UBA3: variants seen among roughly 807,000 people sequenced by gnomAD.
UBA3 encodes ubiquitin like modifier activating enzyme 3, also known as NEDD8-activating enzyme E1 catalytic subunit.
UBA3 carries 26 observed loss-of-function variants against 73.5 expected under a neutral mutation model. The observed-to-expected ratio is 0.35, with a 90% confidence interval of 0.26 to 0.49. The LOEUF (loss-of-function observed/expected upper bound fraction) is 0.49. Ranked by LOEUF, UBA3 falls within the 20% of genes least tolerant of loss-of-function variation. The pLI is 0.98. For missense variants in UBA3, 495 were observed against 555.6 expected (o/e 0.89, Z 1.10); for synonymous variants, 217 against 191.2 (o/e 1.13, Z -1.11).
chr3:69,071,724 C>A (rs2092123741), intron 4 of UBA3, 107 bp from the exon 5 acceptor site: 1 of 663,442 alleles, frequency 1.5e-6, no homozygotes, highest in East Asian at 3.3e-5. Flanking sequence ...GTAATAAATT[C>A]TGTGTAATTT....
At chr3:69,061,665 C>T in intron 11 of UBA3, 149 bp downstream of exon 11, 1 of 500,694 alleles carries the variant, frequency 2.0e-6, no homozygotes. Context: ...TAAATTCCCC[C>T]TAGCTAATAA....
In UBA3 at chr3:69,056,648, A is replaced by G; in HGVS notation, c.1047T>C (p.Asp349=). 6.2e-7 allele frequency: 1 copy of G among 1,613,344 alleles called. No individual in the cohort carries two copies. Among genetic ancestry groups the G allele is most frequent in the African/African-American group, 1.3e-5 (1 of 75,040 alleles). The change falls in exon 14 of 18, where the codon GAT becomes GAC. Residue 349 remains aspartate, a synonymous_variant. Transcript: ENST00000361055. ...CTTCAAATGTGTATGTATACAGCCC[A>G]TCTACATCATTAAACACCAAGTAAT... The part of the protein sequence containing the change: ...LNNYLVFNDV[D]GLYTYTFEAE...
In UBA3 at chr3:69,061,809, C is replaced by G; in HGVS notation, c.910+5G>C. 1 of 1,565,984 alleles carries G rather than the reference C, an allele frequency of 6.4e-7. No homozygotes were observed. The highest frequency in any genetic ancestry group is 1.7e-4 in the Middle Eastern group (1 of 5,864). On this transcript the variant is annotated splice_donor_5th_base_variant and intron_variant, in intron 11 of 17. Coordinates refer to ENST00000361055, the MANE Select transcript of UBA3 (RefSeq NM_003968.4). ...ATCATAATTCATGACAATTTGCTGA[C>G]TTACCTTGAGTGAGCCTATACGTAA... is the stretch of plus-strand genomic sequence containing the variant.
chr3:69,060,801 C>A (rs1367576433), intron 11 of UBA3, among the ~76,000 whole-genome samples: 1 of 152,168 alleles, frequency 6.6e-6, no homozygotes, highest in Non-Finnish European at 1.5e-5. Context: ...TAAGTTCACG[C>A]AAGAGCTGGT....
chr3:69,068,621 C>T (rs1326166695), intron 5 of UBA3, among the ~76,000 whole-genome samples: 1 of 151,332 alleles, frequency 6.6e-6, no homozygotes, highest in Non-Finnish European at 1.5e-5. Context: ...CTCACTCTGT[C>T]ACCCAGGCTG....
chr3:69,072,181 G>C (rs2092126599), intron 4 of UBA3, among the ~76,000 whole-genome samples: 1 of 152,156 alleles, frequency 6.6e-6, no homozygotes, highest in Non-Finnish European at 1.5e-5. Context: ...CAAAAAACCT[G>C]TTAGGTTTCC....
intron 6 of UBA3, among the ~76,000 whole-genome samples, chr3:69,066,870 G>A (rs76146668): frequency 6.6e-6 from 1 of 152,262 alleles, no homozygotes; most frequent in East Asian, 1.9e-4. Context: ...CATTGGAACT[G>A]TTTTGCACCT....
chr3:69,080,284 C>T (rs776953750), intron 1 of UBA3, 50 bp downstream of exon 1: 3 of 1,599,806 alleles, frequency 1.9e-6, no homozygotes, highest in Non-Finnish European at 2.6e-6. Flanking sequence ...CCGCCGCGCT[C>T]TCTCACAACC....
rs1014248032 is a variant in UBA3 at position 69,055,012 on chromosome 3, A to G, written c.*425T>C. The G allele has an allele frequency of 3.3e-5, 5 of 152,916 alleles. No individual in the cohort carries two copies. Among genetic ancestry groups the G allele is most frequent in the African/African-American group, 1.2e-4 (5 of 41,490 alleles). The allele number at this position is 152,916 out of a possible 1,614,324, so 9.5% of individuals were successfully genotyped here. On this transcript the variant is annotated 3_prime_UTR_variant, in exon 18 of 18. Transcript: ENST00000361055. ...TTATATCAAGAAATAGCCTATGTTCAATATACTCCAGATGTCAGATTGTAA... is the reference window on the plus strand; with the variant it reads ...TTATATCAAGAAATAGCCTATGTTCGATATACTCCAGATGTCAGATTGTAA...
At chr3:69,065,731 C>T (rs2092064831) in intron 6 of UBA3, among the ~76,000 whole-genome samples, 1 of 152,166 alleles carries the variant, frequency 6.6e-6, no homozygotes, top group African/African-American at 2.4e-5. Flanking sequence ...CCTGAACCAC[C>T]ACACCCAGCC....
At chr3:69,058,344 A>G (rs1481060449) in intron 11 of UBA3, among the ~76,000 whole-genome samples, 1 of 152,220 alleles carries the variant, frequency 6.6e-6, no homozygotes, top group Non-Finnish European at 1.5e-5. Flanking sequence ...AACTTCAAGA[A>G]AAAGTAGCCA....
In UBA3 at chr3:69,056,523, T is replaced by C; in HGVS notation, c.1083+89A>G. 4 of 1,168,540 alleles carry C rather than the reference T, an allele frequency of 3.4e-6. No homozygotes were observed. The South Asian group carries it at 4.3e-5, about 13-fold the overall frequency. The allele number at this position is 1,168,540 out of a possible 1,614,324, so 72.4% of individuals were successfully genotyped here. A position where few individuals can be genotyped will look rare whatever the true frequency, so the allele number is the denominator to read the frequency against. ...AAGTAGAGTTCTGGAAGTTAGAAAA[T>C]GTATGGGTGACTTTGTTCAAATTTC... On this transcript the variant is annotated intron_variant, in intron 14 of 17. Transcript: ENST00000361055.
In UBA3 at chr3:69,080,061, G is replaced by A. The variant is rs971345668; in HGVS notation, c.62+51C>T. 5 of 1,567,202 alleles carry A rather than the reference G, an allele frequency of 3.2e-6. No homozygotes were observed. In the African/African-American group the frequency reaches 4.1e-5, roughly 13 times the overall value. ...CGGCTGGTCCCCTAGGCCTGGGGTG[G>A]GGGGAGGCGGGGGTCCCCGGAGAGG... On this transcript the variant is annotated intron_variant, in intron 2 of 17. Transcript: ENST00000361055.
At chr3:69,072,192 A>G (rs2092126656) in intron 4 of UBA3, among the ~76,000 whole-genome samples, 1 of 152,270 alleles carries the variant, frequency 6.6e-6, no homozygotes, top group Non-Finnish European at 1.5e-5. Flanking sequence ...TTAGGTTTCC[A>G]TAATAATGCC....
At chr3:69,078,792 G>T (rs2092192614) in intron 2 of UBA3, among the ~76,000 whole-genome samples, 1 of 152,164 alleles carries the variant, frequency 6.6e-6, no homozygotes, top group African/African-American at 2.4e-5. Context: ...ATTTTTTAAA[G>T]AATCTCTTAA....
chr3:69,076,066 A>C (rs1691822542), intron 3 of UBA3, among the ~76,000 whole-genome samples: 1 of 152,212 alleles, frequency 6.6e-6, no homozygotes, highest in African/African-American at 2.4e-5. Flanking sequence ...ATTGTATGAA[A>C]GTTAAAGGGT....
chr3:69,072,234 T>C (rs1318709055), intron 4 of UBA3, among the ~76,000 whole-genome samples: 1 of 152,218 alleles, frequency 6.6e-6, no homozygotes, highest in Non-Finnish European at 1.5e-5. Context: ...CACATTCAAA[T>C]TTAGCAGCAG....
chr3:69,080,239 G>GGGGGGGGGGGGGGGT, intron 1 of UBA3, 86 bp from the exon 2 acceptor site: 1 of 1,518,076 alleles, frequency 6.6e-7, no homozygotes, highest in South Asian at 1.2e-5. Context: ...GGGGCGGGGG[G>GGGGGGGGGGGGGGGT]TGTGGGGACC....
intron 12 of UBA3, 55 bp from the exon 13 acceptor site, chr3:69,056,870 A>G: frequency 1.3e-6 from 2 of 1,559,278 alleles, no homozygotes; most frequent in South Asian, 2.3e-5. Flanking sequence ...AGGCATGTTA[A>G]AAGTCAGTTA....
Sources: allele counts gnomAD v4.1 joint callset (sites outside exome capture counted in the v4.1 genomes callset), GRCh38; gene constraint gnomAD v4.1.1; transcripts MANE v1.5; gene names NCBI Gene and HGNC (gene_info 2026-07-23, HGNC 2026-07-21).